LPP: variants seen among roughly 807,000 people sequenced by gnomAD.
LPP encodes LIM domain containing preferred translocation partner in lipoma.
In LPP, 38 loss-of-function variants were observed where a neutral mutation model predicts 60.4. That is an observed-to-expected ratio of 0.63 (90% CI 0.49 to 0.83). The LOEUF (loss-of-function observed/expected upper bound fraction) is 0.83. Ranked by LOEUF, LPP falls within the 40% of genes least tolerant of loss-of-function variation. LPP has a pLI of 0.00. For missense variants in LPP, 902 were observed against 783.6 expected (o/e 1.15, Z -1.80); for synonymous variants, 328 against 290.8 (o/e 1.13, Z -1.30).
At position 188,765,861 on chromosome 3, in the gene LPP, C is replaced by CTTTTTTTTTT. The variant is rs71169019; in HGVS notation, c.1410+5596_1410+5605dup. 1.7e-4 allele frequency among the ~76,000 whole-genome samples: 16 copies of CTTTTTTTTTT among 92,628 alleles called. 2 individuals are homozygous for CTTTTTTTTTT. Among genetic ancestry groups the CTTTTTTTTTT allele is most frequent in the Non-Finnish European group, 1.4e-4 (7 of 49,896 alleles). The allele number at this position is 92,628 out of a possible 152,430, so 60.8% of individuals were successfully genotyped here. A position where few individuals can be genotyped will look rare whatever the true frequency, so the allele number is the denominator to read the frequency against. Reference sequence around the variant, plus strand: ...GCAACGTGCAACTTAATGTTCAACTCTTTTTTTTTTTTTTTTTTTTTTTTT... The same window carrying CTTTTTTTTTT: ...GCAACGTGCAACTTAATGTTCAACTCTTTTTTTTTTTTTTTTTTTTTTTTTTTTTTTTTTT... On this transcript the variant is annotated intron_variant, in intron 9 of 11. Transcript: ENST00000617246.
intron 4 of LPP, among the ~76,000 whole-genome samples, chr3:188,473,237 A>G (rs1186677611): frequency 6.6e-6 from 1 of 152,222 alleles, no homozygotes; most frequent in Non-Finnish European, 1.5e-5. Context: ...GACATCTTAC[A>G]TAACCACGGT....
At chr3:188,491,059 C>T (rs1261986590) in intron 5 of LPP, among the ~76,000 whole-genome samples, 8 of 151,798 alleles carry the variant, frequency 5.3e-5, no homozygotes, top group Non-Finnish European at 7.4e-5. Flanking sequence ...CGCGCCTGGC[C>T]GGCACTGGAA....
intron 7 of LPP, among the ~76,000 whole-genome samples, chr3:188,628,137 C>T (rs988504833): frequency 5.9e-5 from 9 of 151,936 alleles, no homozygotes; most frequent in African/African-American, 2.2e-4. Context: ...AGACAAACAC[C>T]TACATCTGTA....
intron 6 of LPP, among the ~76,000 whole-genome samples, chr3:188,574,701 G>T (rs10937356): frequency 0.63 from 96,053 of 151,768 alleles, 31,060 homozygotes; most frequent in East Asian, 0.98. Flanking sequence ...TTTTGCCAGC[G>T]TAATTTCCTG....
At chr3:188,426,027 C>T (rs191400781) in intron 4 of LPP, among the ~76,000 whole-genome samples, 4 of 152,278 alleles carry the variant, frequency 2.6e-5, no homozygotes, top group Non-Finnish European at 5.9e-5. Context: ...TTCTCTAGTT[C>T]TTTTAATTGC....
intron 1 of LPP, among the ~76,000 whole-genome samples, chr3:188,191,048 G>T (rs1055589515): frequency 5.9e-5 from 9 of 152,146 alleles, no homozygotes; most frequent in Non-Finnish European, 7.3e-5. Flanking sequence ...TGGCCAACAT[G>T]GTGAATCCCC....
chr3:188,441,280 A>G (rs1793762254), intron 4 of LPP, among the ~76,000 whole-genome samples: 1 of 152,108 alleles, frequency 6.6e-6, no homozygotes, highest in African/African-American at 2.4e-5. Context: ...TACAACAGTA[A>G]TCTTCACCAT....
At chr3:188,656,682 T>G (rs148508814) in intron 7 of LPP, among the ~76,000 whole-genome samples, 110 of 152,286 alleles carry the variant, frequency 7.2e-4, no homozygotes, top group African/African-American at 2.6e-3. Flanking sequence ...TAACATGACT[T>G]TCCCACTGAC....
chr3:188,406,374 T>A lies in LPP; in HGVS notation c.193+61T>A, dbSNP rs569650066. The A allele has an allele frequency of 2.8e-6, 4 of 1,430,840 alleles. No individual in the cohort carries two copies. In the South Asian group the frequency reaches 4.9e-5, roughly 17 times the overall value. The allele number at this position is 1,430,840 out of a possible 1,614,324, so 88.6% of individuals were successfully genotyped here. On this transcript the variant is annotated intron_variant, in intron 4 of 11. Coordinates refer to ENST00000617246, the MANE Select transcript of LPP (RefSeq NM_001375462.1). ...TAGGAAAATTCAGTTATATAGGTGA[T>A]TTGTAGTACAAAGTTGTGTCAGAAA...
chr3:188,177,499 A>C (rs909017031), intron 1 of LPP, among the ~76,000 whole-genome samples: 1 of 152,134 alleles, frequency 6.6e-6, no homozygotes, highest in Non-Finnish European at 1.5e-5. Flanking sequence ...TTTAGCGGCA[A>C]AGACACTAGA....
intron 6 of LPP, among the ~76,000 whole-genome samples, chr3:188,566,613 A>C (rs1832237740): frequency 6.6e-6 from 1 of 151,862 alleles, no homozygotes; most frequent in Admixed American, 6.6e-5. Flanking sequence ...GTTTCTGCTT[A>C]GTTCAAAAAG....
At chr3:188,438,363 A>G (rs796779556) in intron 4 of LPP, among the ~76,000 whole-genome samples, 1 of 138,616 alleles carries the variant, frequency 7.2e-6, no homozygotes, top group African/African-American at 3.0e-5. Flanking sequence ...TTACACACAC[A>G]CACACACACA....
rs575948085 is a variant in LPP, at chr3:188,588,224, A to G, written c.430-20937A>G. On this transcript the variant is annotated intron_variant, in intron 6 of 11. Transcript: ENST00000617246. ...TTTTTCAAGACAAAATGTCACCCTC[A>G]GCTAAACAGAAGTAATTTGCATCAG... Among the ~76,000 whole-genome samples, 258 of 152,354 alleles carry G rather than the reference A, an allele frequency of 1.7e-3. 3 individuals are homozygous for G. The highest frequency in any genetic ancestry group is 6.0e-3 in the African/African-American group (248 of 41,580).
intron 8 of LPP, among the ~76,000 whole-genome samples, chr3:188,755,684 T>C (rs1410856765): frequency 6.6e-6 from 1 of 151,352 alleles, no homozygotes; most frequent in African/African-American, 2.4e-5. Context: ...CGTGTGCCTA[T>C]AGTCCCAGCT....
intron 9 of LPP, among the ~76,000 whole-genome samples, chr3:188,763,125 C>G (rs1162245504): frequency 2.6e-5 from 4 of 152,232 alleles, no homozygotes; most frequent in East Asian, 1.9e-4. Flanking sequence ...AGCCTTAGAA[C>G]AGGAAGCATA....
chr3:188,438,170 A>G (rs1179652389), intron 4 of LPP, among the ~76,000 whole-genome samples: 1 of 152,146 alleles, frequency 6.6e-6, no homozygotes, highest in Non-Finnish European at 1.5e-5. Flanking sequence ...ATGGTGATGG[A>G]TCATAACTGA....
In LPP at chr3:188,760,167, C is replaced by T. The variant is rs1731716646; in HGVS notation, c.1295C>T (p.Ala432Val). Residue 432 changes from alanine (A) to valine (V), a missense_variant, in exon 9 of 12, where the codon GCC becomes GTC. Ala to Val is a moderately conservative substitution (Grantham distance 64, BLOSUM62 0). Coordinates refer to ENST00000617246, the MANE Select transcript of LPP (RefSeq NM_001375462.1). ...NVVGEGTGCT[A>V]MDQVFHVDCF... ...GTTGGGGAAGGTACAGGATGCACTGCCATGGATCAGGTCTTCCACGTGGAT... is the reference window on the plus strand; with the variant it reads ...GTTGGGGAAGGTACAGGATGCACTGTCATGGATCAGGTCTTCCACGTGGAT... 1 of 1,614,038 alleles carries T rather than the reference C, an allele frequency of 6.2e-7. No individual in the cohort carries two copies. Among genetic ancestry groups the T allele is most frequent in the East Asian group, 2.2e-5 (1 of 44,864 alleles).
chr3:188,278,989 G>A (rs1018790938), intron 2 of LPP, among the ~76,000 whole-genome samples: 1 of 152,174 alleles, frequency 6.6e-6, no homozygotes, highest in Non-Finnish European at 1.5e-5. Flanking sequence ...AATAGCCCCT[G>A]GAGGTACATT....
chr3:188,804,487 G>T (rs1048499210), intron 9 of LPP, among the ~76,000 whole-genome samples: 10 of 151,182 alleles, frequency 6.6e-5, no homozygotes, highest in Admixed American at 5.3e-4. Context: ...GATGAGGGTT[G>T]AAAAAATACC....
Sources: gnomAD v4.1 joint callset for allele counts (sites outside exome capture counted in the v4.1 genomes callset) on GRCh38, gnomAD v4.1.1 for gene constraint, MANE v1.5 for transcripts, NCBI Gene and HGNC (gene_info 2026-07-23, HGNC 2026-07-21) for gene names.